GNA13: variants seen among roughly 807,000 people sequenced by gnomAD.
GNA13 encodes the protein G protein subunit alpha 13, also known as guanine nucleotide-binding protein subunit alpha-13.
In GNA13, 4 loss-of-function variants were observed where a neutral mutation model predicts 33.5. The ratio of observed to expected loss-of-function variants is 0.12; its 90% CI spans 0.06 to 0.27. The LOEUF (loss-of-function observed/expected upper bound fraction) is 0.27, where lower values mean the gene tolerates loss of function less well. GNA13 is among the 10% of genes least tolerant of loss of function. The probability of loss-of-function intolerance (pLI) is 1.00; values close to 1 mark genes in which losing one functional copy is unlikely to be tolerated. For missense variants in GNA13, 319 were observed against 487.2 expected (o/e 0.65, Z 3.25); for synonymous variants, 176 against 183.8 (o/e 0.96, Z 0.34).
Position 65,010,753 on chromosome 17 carries a change from G to A in GNA13, c.*3504C>T, listed in dbSNP as rs1906159281. The A allele has an allele frequency of 9.5e-6, 2 of 210,986 alleles. No homozygotes were observed. The highest frequency in any genetic ancestry group is 1.4e-4 in the East Asian group (2 of 14,096). The allele number at this position is 210,986 out of a possible 1,614,324, so 13.1% of individuals were successfully genotyped here. Reference sequence around the variant, plus strand: ...ATTTATTAGGGAGTTTGTTACAAATGTTTGGGCTTTACAGGCATGATTTCA... The same window carrying A: ...ATTTATTAGGGAGTTTGTTACAAATATTTGGGCTTTACAGGCATGATTTCA... On this transcript the variant is annotated 3_prime_UTR_variant, in exon 4 of 4. Coordinates refer to ENST00000439174, the MANE Select transcript of GNA13 (RefSeq NM_006572.6).
rs74562704 is a variant in GNA13 at position 65,025,593 on chromosome 17, A to G, written c.511-7290T>C. On this transcript the variant is annotated intron_variant, in intron 2 of 3. Transcript: ENST00000439174. ...GCAATAGGACTCTAAGGAACTTGAAACCTCAATTAAACTTACAAAATTAAT... is the reference window on the plus strand; with the variant it reads ...GCAATAGGACTCTAAGGAACTTGAAGCCTCAATTAAACTTACAAAATTAAT... 9.4e-3 allele frequency among the ~76,000 whole-genome samples: 1,430 copies of G among 152,252 alleles called. 22 individuals carry two copies. Among genetic ancestry groups the G allele is most frequent in the African/African-American group, 0.032 (1,343 of 41,514 alleles).
At chr17:65,044,650 A>G (rs1907589374) in intron 2 of GNA13, among the ~76,000 whole-genome samples, 2 of 152,012 alleles carry the variant, frequency 1.3e-5, no homozygotes, top group Admixed American at 1.3e-4. Flanking sequence ...AAAAAAGGAA[A>G]AAAAAAAAAG....
At chr17:65,016,509 C>T (rs1906374797) in intron 3 of GNA13, among the ~76,000 whole-genome samples, 1 of 152,150 alleles carries the variant, frequency 6.6e-6, no homozygotes, top group Non-Finnish European at 1.5e-5. Context: ...TACAGGTGTG[C>T]ACCACCACGG....
chr17:65,033,447 A>G (rs1907126967), intron 2 of GNA13, among the ~76,000 whole-genome samples: 1 of 152,068 alleles, frequency 6.6e-6, no homozygotes. Context: ...TGATTGCACC[A>G]CTGCACTCCA....
chr17:65,052,486 AATC>A (rs1907891904), intron 2 of GNA13, among the ~76,000 whole-genome samples: 1 of 152,158 alleles, frequency 6.6e-6, no homozygotes, highest in Non-Finnish European at 1.5e-5. Flanking sequence ...ACTTCATTTT[AATC>A]ATATTAGAGT....
chr17:65,028,895 G>A (rs564601160), intron 2 of GNA13, among the ~76,000 whole-genome samples: 5 of 152,104 alleles, frequency 3.3e-5, no homozygotes, highest in African/African-American at 1.2e-4. Flanking sequence ...CCCCAAGTAG[G>A]TGACAGTTTC....
At chr17:65,037,466 T>TTCTTCCTAGACC (rs1907289572) in intron 2 of GNA13, among the ~76,000 whole-genome samples, 1 of 152,148 alleles carries the variant, frequency 6.6e-6, no homozygotes, top group Non-Finnish European at 1.5e-5. Context: ...CTTCCTAGAA[T>TTCTTCCTAGACC]TCTTCCTAGA....
intron 2 of GNA13, among the ~76,000 whole-genome samples, chr17:65,039,136 G>A (rs12944877): frequency 0.76 from 114,993 of 152,122 alleles, 47,032 homozygotes; most frequent in East Asian, 0.97. Context: ...AGAAACTTGA[G>A]TCACTCTTAA....
In GNA13 at chr17:65,010,438, CCACA is replaced by C. The variant is rs1906148216; in HGVS notation, c.*3815_*3818del. 6.6e-6 allele frequency among the ~76,000 whole-genome samples: 1 copy of C among 151,978 alleles called. No individual in the cohort carries two copies. Among genetic ancestry groups the C allele is most frequent in the African/African-American group, 2.4e-5 (1 of 41,352 alleles). ...GACATGCGGACACACCCACACCCACCCACAATCTCTCCCCTCCTCATGTTTACTA... is the reference window on the plus strand; with the variant it reads ...GACATGCGGACACACCCACACCCACCATCTCTCCCCTCCTCATGTTTACTA... On this transcript the variant is annotated 3_prime_UTR_variant, in exon 4 of 4. Transcript: ENST00000439174.
intron 2 of GNA13, among the ~76,000 whole-genome samples, chr17:65,035,770 C>A (rs1207993507): frequency 1.3e-5 from 2 of 150,780 alleles, no homozygotes; most frequent in African/African-American, 4.9e-5. Context: ...AACTAGAACC[C>A]TTCGTTGTTA....
chr17:65,018,092 T>TAAAAAAA (rs767082596), intron 3 of GNA13, among the ~76,000 whole-genome samples, 161 bp downstream of exon 3: 3 of 21,474 alleles, frequency 1.4e-4, no homozygotes, highest in African/African-American at 2.8e-4. Flanking sequence ...ACGCCACCAC[T>TAAAAAAA]AAAAAAAAAA....
intron 2 of GNA13, among the ~76,000 whole-genome samples, chr17:65,027,202 C>A (rs1906820481): frequency 6.6e-6 from 1 of 152,156 alleles, no homozygotes; most frequent in Non-Finnish European, 1.5e-5. Context: ...AACACTAGCA[C>A]TTTTGTGTCC....
intron 2 of GNA13, among the ~76,000 whole-genome samples, chr17:65,030,648 C>T (rs994401119): frequency 1.8e-4 from 28 of 152,114 alleles, no homozygotes; most frequent in South Asian, 6.2e-4. Flanking sequence ...TAAGAATGTA[C>T]GTAAATGGCA....
intron 1 of GNA13, 87 bp downstream of exon 1, chr17:65,056,224 G>A: frequency 1.7e-6 from 2 of 1,148,034 alleles, no homozygotes; most frequent in Non-Finnish European, 2.4e-6. Flanking sequence ...CAGCGACACA[G>A]CGGACCAGGG....
chr17:65,010,623 A>T lies in GNA13; in HGVS notation c.*3634T>A, dbSNP rs771729654. On this transcript the variant is annotated 3_prime_UTR_variant, in exon 4 of 4. Transcript: ENST00000439174. Reference sequence around the variant, plus strand: ...TGGGAGAGAGACAAATTAACTAGGTACTAAGTCAGATTTCCAAGTGAAAAA... The same window carrying T: ...TGGGAGAGAGACAAATTAACTAGGTTCTAAGTCAGATTTCCAAGTGAAAAA... The T allele has an allele frequency of 1.5e-4, 30 of 205,080 alleles. No individual in the cohort carries two copies. Among genetic ancestry groups the T allele is most frequent in the African/African-American group, 3.4e-4 (15 of 43,822 alleles). 12.7% of individuals were successfully genotyped at this position (205,080 alleles called of 1,614,324 possible). A position where few individuals can be genotyped will look rare whatever the true frequency, so the allele number is the denominator to read the frequency against.
At chr17:65,055,933 T>G (rs535649716) in intron 1 of GNA13, among the ~76,000 whole-genome samples, 1 of 152,034 alleles carries the variant, frequency 6.6e-6, no homozygotes, top group South Asian at 2.1e-4. Context: ...AGGGCTGCTA[T>G]TGGTGTTCCT....
intron 2 of GNA13, among the ~76,000 whole-genome samples, chr17:65,027,141 T>C (rs913888430): frequency 1.3e-5 from 2 of 152,194 alleles, no homozygotes; most frequent in Non-Finnish European, 2.9e-5. Flanking sequence ...AACCATTTTA[T>C]GAAAATCTAG....
intron 2 of GNA13, among the ~76,000 whole-genome samples, chr17:65,046,265 A>T (rs1907659256): frequency 1.3e-5 from 2 of 152,094 alleles, no homozygotes; most frequent in South Asian, 4.1e-4. Context: ...AACAATTATT[A>T]TAATTATCAA....
At chr17:65,038,197 G>A (rs1009963366) in intron 2 of GNA13, among the ~76,000 whole-genome samples, 1 of 152,218 alleles carries the variant, frequency 6.6e-6, no homozygotes, top group Non-Finnish European at 1.5e-5. Flanking sequence ...AAGGTCAGGA[G>A]TTCGAGACCA....
Sources: allele counts gnomAD v4.1 joint callset (sites outside exome capture counted in the v4.1 genomes callset), GRCh38; gene constraint gnomAD v4.1.1; transcripts MANE v1.5; gene names NCBI Gene and HGNC (gene_info 2026-07-23, HGNC 2026-07-21).